Variants in TMTC2 observed in about 807,000 individuals in gnomAD.
TMTC2 encodes protein O-mannosyl-transferase TMTC2.
A neutral mutation model predicts 82.4 loss-of-function variants in TMTC2; 43 were observed. The ratio of observed to expected loss-of-function variants is 0.52; its 90% CI spans 0.41 to 0.67. The LOEUF is 0.67. Among genes scored for constraint, TMTC2 ranks in the 30% least tolerant of loss-of-function variants. The pLI, the probability that TMTC2 is intolerant of heterozygous loss-of-function variation, is 0.00. For synonymous variants in TMTC2, 408 were observed against 381.9 expected (o/e 1.07, Z -0.80); for missense variants, 919 against 1,012.4 (o/e 0.91, Z 1.25).
chr12:83,069,606 T>C (rs1883037323), intron 11 of TMTC2, among the ~76,000 whole-genome samples: 1 of 152,182 alleles, frequency 6.6e-6, no homozygotes, highest in Non-Finnish European at 1.5e-5. Flanking sequence ...CCTGGCGAGA[T>C]GTATAGATTG....
At chr12:82,920,232 C>T (rs1565810440) in intron 3 of TMTC2, among the ~76,000 whole-genome samples, 1 of 152,060 alleles carries the variant, frequency 6.6e-6, no homozygotes, top group African/African-American at 2.4e-5. Flanking sequence ...TCAAATCTCC[C>T]TGTATTGATT....
chr12:82,720,225 C>G (rs888866063), intron 1 of TMTC2, among the ~76,000 whole-genome samples: 2 of 152,100 alleles, frequency 1.3e-5, no homozygotes, highest in Non-Finnish European at 2.9e-5. Context: ...CCACCTATAC[C>G]TTCATGTCCC....
chr12:82,780,577 A>C (rs1277573104), intron 1 of TMTC2, among the ~76,000 whole-genome samples: 1 of 152,160 alleles, frequency 6.6e-6, no homozygotes, highest in African/African-American at 2.4e-5. Flanking sequence ...GTTAGTTTGC[A>C]TGCTTCTTTG....
At chr12:82,982,557 T>C (rs1240649160) in intron 7 of TMTC2, among the ~76,000 whole-genome samples, 1 of 151,804 alleles carries the variant, frequency 6.6e-6, no homozygotes, top group Non-Finnish European at 1.5e-5. Flanking sequence ...AGAACTAAAG[T>C]GTTACATATT....
At chr12:83,039,538 A>C (rs779175763) in intron 9 of TMTC2, among the ~76,000 whole-genome samples, 1 of 152,138 alleles carries the variant, frequency 6.6e-6, no homozygotes, top group Non-Finnish European at 1.5e-5. Flanking sequence ...AGAAATTCAC[A>C]TATAGCATCT....
intron 8 of TMTC2, among the ~76,000 whole-genome samples, chr12:82,999,240 A>G (rs1565846061): frequency 6.6e-6 from 1 of 152,150 alleles, no homozygotes; most frequent in African/African-American, 2.4e-5. Flanking sequence ...TAAAGGTCAT[A>G]TATTTTGTAG....
chr12:82,937,769 T>TACATATATATATATATAC (rs1565818333), intron 4 of TMTC2, among the ~76,000 whole-genome samples: 3 of 21,766 alleles, frequency 1.4e-4, no homozygotes, highest in South Asian at 2.0e-3. Flanking sequence ...TATATATATA[T>TACATATATATATATATAC]ATATATATAT....
At chr12:82,819,605 G>A (rs1241692066) in intron 1 of TMTC2, among the ~76,000 whole-genome samples, 2 of 149,864 alleles carry the variant, frequency 1.3e-5, no homozygotes, top group East Asian at 2.0e-4. Flanking sequence ...AGGTCCAAGC[G>A]ATTCTCCTGC....
chr12:83,057,308 G>T (rs1009649216), intron 10 of TMTC2, among the ~76,000 whole-genome samples: 1 of 151,892 alleles, frequency 6.6e-6, no homozygotes, highest in Non-Finnish European at 1.5e-5. Flanking sequence ...AAATTATATT[G>T]TCAGCGTAGT....
At chr12:82,706,820 A>G (rs1332029286) in intron 1 of TMTC2, among the ~76,000 whole-genome samples, 1 of 152,152 alleles carries the variant, frequency 6.6e-6, no homozygotes, top group Non-Finnish European at 1.5e-5. Flanking sequence ...ACATATGTAG[A>G]TCACTTTTGG....
At chr12:82,752,041 T>C (rs1173845396) in intron 1 of TMTC2, among the ~76,000 whole-genome samples, 3 of 152,162 alleles carry the variant, frequency 2.0e-5, no homozygotes, top group Non-Finnish European at 4.4e-5. Flanking sequence ...ATTCCATTAG[T>C]AATTTGCAGT....
chr12:83,118,382 C>T (rs1002301323), intron 11 of TMTC2, among the ~76,000 whole-genome samples: 4 of 151,990 alleles, frequency 2.6e-5, no homozygotes, highest in Admixed American at 2.6e-4. Context: ...AATCATAAAG[C>T]GATGCTGGAT....
At chr12:82,903,409 T>C (rs1430425280) in intron 3 of TMTC2, among the ~76,000 whole-genome samples, 1 of 152,076 alleles carries the variant, frequency 6.6e-6, no homozygotes, top group African/African-American at 2.4e-5. Context: ...TGTTTTTGTT[T>C]TGTTTTTGTT....
At chr12:83,080,413 G>A (rs1162298124) in intron 11 of TMTC2, among the ~76,000 whole-genome samples, 3 of 151,582 alleles carry the variant, frequency 2.0e-5, no homozygotes, top group Admixed American at 1.3e-4. Context: ...TGAATGATTA[G>A]CTAAGATTTT....
chr12:82,984,611 A>G (rs926629676), intron 7 of TMTC2, among the ~76,000 whole-genome samples: 1 of 152,162 alleles, frequency 6.6e-6, no homozygotes, highest in African/African-American at 2.4e-5. Context: ...GCTTATATAT[A>G]AAGGTCTGTC....
chr12:83,026,128 T>C (rs1414373814), intron 8 of TMTC2, among the ~76,000 whole-genome samples: 1 of 152,154 alleles, frequency 6.6e-6, no homozygotes, highest in Non-Finnish European at 1.5e-5. Flanking sequence ...CATGGCTTGA[T>C]CTTCCTGGTG....
At chr12:82,881,448 C>T (rs950405943) in intron 2 of TMTC2, among the ~76,000 whole-genome samples, 5 of 152,068 alleles carry the variant, frequency 3.3e-5, no homozygotes, top group Non-Finnish European at 4.4e-5. Context: ...TAAATTAGAG[C>T]GATTACAATT....
At chr12:82,714,447 C>T (rs1873801062) in intron 1 of TMTC2, among the ~76,000 whole-genome samples, 1 of 151,920 alleles carries the variant, frequency 6.6e-6, no homozygotes, top group Non-Finnish European at 1.5e-5. Flanking sequence ...AGAAAGGTGC[C>T]CTGGAAATTG....
chr12:82,748,300 G>A (rs1214877734), intron 1 of TMTC2, among the ~76,000 whole-genome samples: 1 of 151,976 alleles, frequency 6.6e-6, no homozygotes, highest in Non-Finnish European at 1.5e-5. Flanking sequence ...GACAGAGTGT[G>A]ACTGTCTCAA....
Sources: allele counts gnomAD v4.1 joint callset (sites outside exome capture counted in the v4.1 genomes callset), GRCh38; gene constraint gnomAD v4.1.1; transcripts MANE v1.5; gene names NCBI Gene and HGNC (gene_info 2026-07-23, HGNC 2026-07-21).